The following BRINP3 variants were observed in gnomAD, a reference collection of about 807,000 sequenced individuals.
BRINP3 encodes BMP/retinoic acid-inducible neural-specific protein 3.
In BRINP3, 19 loss-of-function variants were observed where a neutral mutation model predicts 71.0. That is an observed-to-expected ratio of 0.27 (90% confidence interval 0.19 to 0.39). The LOEUF (loss-of-function observed/expected upper bound fraction) is 0.39, where lower values mean the gene tolerates loss of function less well. BRINP3 is among the 10% of genes least tolerant of loss of function. The pLI is 1.00. For missense variants in BRINP3, 959 were observed against 940.8 expected (o/e 1.02, Z -0.25); for synonymous variants, 380 against 337.7 (o/e 1.13, Z -1.37).
At chr1:190,397,406 T>G (rs2102338083) in intron 2 of BRINP3, among the ~76,000 whole-genome samples, 1 of 152,034 alleles carries the variant, frequency 6.6e-6, no homozygotes, top group Middle Eastern at 3.4e-3. Context: ...GTCTCTGCAT[T>G]TCTAGCTCTC....
rs59039466 is a variant in BRINP3 at position 190,177,139 on chromosome 1, A to G, written c.962-16249T>C. Among the ~76,000 whole-genome samples, 81 of 146,558 alleles carry G rather than the reference A, an allele frequency of 5.5e-4. 1 individual carries two copies. The East Asian group carries it at 0.014, about 26-fold the overall frequency. On this transcript the variant is annotated intron_variant, in intron 6 of 7. Transcript: ENST00000367462. ...GTTTTGTTTGTTGGTTTGTCATGGAAGCACCCACTTCTTTTTTTTTTTTTT... is the reference window on the plus strand; with the variant it reads ...GTTTTGTTTGTTGGTTTGTCATGGAGGCACCCACTTCTTTTTTTTTTTTTT...
At chr1:190,283,422 T>A (rs1467962339) in intron 2 of BRINP3, among the ~76,000 whole-genome samples, 12 of 151,908 alleles carry the variant, frequency 7.9e-5, no homozygotes, top group Admixed American at 7.2e-4. Context: ...TAATTTGCTA[T>A]ATTGTCTTTC....
chr1:190,131,080 G>A (rs1044837028), intron 7 of BRINP3, among the ~76,000 whole-genome samples: 2 of 149,288 alleles, frequency 1.3e-5, no homozygotes, highest in African/African-American at 2.5e-5. Flanking sequence ...TGCCCTAACT[G>A]ATTCAGATAG....
chr1:190,262,090 A>C (rs1220568127), intron 4 of BRINP3, among the ~76,000 whole-genome samples: 1 of 152,196 alleles, frequency 6.6e-6, no homozygotes, highest in East Asian at 1.9e-4. Flanking sequence ...GATACTCTCC[A>C]TACAAAATTG....
intron 2 of BRINP3, 58 bp from the exon 3 acceptor site, chr1:190,281,808 T>G (rs748652208): frequency 4.1e-5 from 62 of 1,504,820 alleles, no homozygotes; most frequent in Non-Finnish European, 5.2e-5. Flanking sequence ...TGTTTTCATT[T>G]GAGTTCACTT....
In BRINP3 at chr1:190,226,090, T is replaced by C; in HGVS notation, c.953A>G (p.Glu318Gly). 2 of 1,583,598 alleles carry C rather than the reference T, an allele frequency of 1.3e-6. No homozygotes were observed. The highest frequency in any genetic ancestry group is 1.1e-5 in the South Asian group (1 of 87,670). Residue 318 changes from glutamate (E) to glycine (G), a missense_variant, in exon 6 of 8, where the codon GAG (glutamate) becomes GGG (glycine). Coordinates refer to ENST00000367462, the MANE Select transcript of BRINP3 (RefSeq NM_199051.3). Reference protein sequence around the residue: ...ETWKAYNSDFEESDEFKLFMK... With the variant: ...ETWKAYNSDFGESDEFKLFMK... ...TAAAATACATGTCTTACCTGATTCCTCAAAGTCACTGTTGTAAGCTTTCCA... is the reference window on the plus strand; with the variant it reads ...TAAAATACATGTCTTACCTGATTCCCCAAAGTCACTGTTGTAAGCTTTCCA...
intron 2 of BRINP3, among the ~76,000 whole-genome samples, chr1:190,453,548 A>T (rs1345982165): frequency 2.6e-5 from 4 of 151,916 alleles, no homozygotes; most frequent in African/African-American, 9.7e-5. Context: ...AAATAGAGTA[A>T]ATCTTTTCAT....
intron 6 of BRINP3, among the ~76,000 whole-genome samples, chr1:190,222,050 C>T (rs1303482311): frequency 1.3e-5 from 2 of 151,946 alleles, no homozygotes; most frequent in Non-Finnish European, 2.9e-5. Flanking sequence ...AGTTAAACTA[C>T]GCACTAGATC....
intron 2 of BRINP3, among the ~76,000 whole-genome samples, chr1:190,364,855 G>T (rs549794907): frequency 1.5e-3 from 230 of 152,200 alleles, no homozygotes; most frequent in African/African-American, 5.3e-3. Flanking sequence ...TAATTTGAAG[G>T]AGAGAATGGA....
chr1:190,421,348 G>A (rs1193466864), intron 2 of BRINP3, among the ~76,000 whole-genome samples: 1 of 148,806 alleles, frequency 6.7e-6, no homozygotes, highest in African/African-American at 2.5e-5. Context: ...GTAGCATAAA[G>A]GGCAACTAGG....
Position 190,361,910 on chromosome 1 carries a change from T to C in BRINP3, c.237-80160A>G, listed in dbSNP as rs1669174545. On this transcript the variant is annotated intron_variant, in intron 2 of 7. Coordinates refer to ENST00000367462, the MANE Select transcript of BRINP3 (RefSeq NM_199051.3). ...AATTCGTATGTTGAAGGTGTAACCT[T>C]CAATGTGTCTGTATTTGGAGATAAG... Among the ~76,000 whole-genome samples, 3 of 152,252 alleles carry C rather than the reference T, an allele frequency of 2.0e-5. No individual in the cohort carries two copies. In the East Asian group the frequency reaches 5.8e-4, roughly 29 times the overall value.
intron 2 of BRINP3, among the ~76,000 whole-genome samples, chr1:190,356,341 T>C (rs1200656180): frequency 6.6e-6 from 1 of 151,986 alleles, no homozygotes; most frequent in Non-Finnish European, 1.5e-5. Context: ...GTGTCATTTT[T>C]TTCCTATGAC....
In BRINP3 at chr1:190,196,635, T is replaced by C. The variant is rs913612490; in HGVS notation, c.961+29447A>G. Among the ~76,000 whole-genome samples the C allele has an allele frequency of 3.3e-5, 5 of 152,198 alleles. No homozygotes were observed. The East Asian group carries it at 9.7e-4, about 30-fold the overall frequency. ...TCATTATTGCTGCCTGTTTCCACAG[T>C]GGTTGGCCACATTAACTGATAGGTT... On this transcript the variant is annotated intron_variant, in intron 6 of 7. Transcript: ENST00000367462.
chr1:190,201,084 C>T (rs568071667), intron 6 of BRINP3, among the ~76,000 whole-genome samples: 37 of 152,048 alleles, frequency 2.4e-4, no homozygotes, highest in African/African-American at 5.3e-4. Flanking sequence ...CAGAAAAAGA[C>T]AGAAAAAATG....
intron 6 of BRINP3, among the ~76,000 whole-genome samples, chr1:190,192,894 T>C (rs993510027): frequency 6.6e-6 from 1 of 152,118 alleles, no homozygotes; most frequent in East Asian, 1.9e-4. Flanking sequence ...GGTAATAATG[T>C]ATTGTTTAAT....
At chr1:190,283,932 G>A (rs529288529) in intron 2 of BRINP3, among the ~76,000 whole-genome samples, 53 of 151,788 alleles carry the variant, frequency 3.5e-4, no homozygotes, top group Admixed American at 5.3e-4. Flanking sequence ...GTATTTTTCA[G>A]TGGTTTACAG....
intron 6 of BRINP3, among the ~76,000 whole-genome samples, chr1:190,187,492 C>T (rs1434243588): frequency 6.6e-6 from 1 of 151,980 alleles, no homozygotes; most frequent in Non-Finnish European, 1.5e-5. Context: ...GTGTTTTCTC[C>T]TATTAGTTTC....
intron 6 of BRINP3, among the ~76,000 whole-genome samples, chr1:190,191,164 T>A (rs1394356884): frequency 6.6e-6 from 1 of 152,126 alleles, no homozygotes; most frequent in African/African-American, 2.4e-5. Flanking sequence ...TAGTTTTCTA[T>A]AACAATGATT....
intron 6 of BRINP3, among the ~76,000 whole-genome samples, chr1:190,207,253 A>G (rs941041769): frequency 6.6e-6 from 1 of 152,094 alleles, no homozygotes; most frequent in East Asian, 1.9e-4. Flanking sequence ...TCATGCTTCA[A>G]TAGTGTTTGG....
Sources: gnomAD v4.1 joint callset for allele counts (sites outside exome capture counted in the v4.1 genomes callset) on GRCh38, gnomAD v4.1.1 for gene constraint, MANE v1.5 for transcripts, NCBI Gene and HGNC (gene_info 2026-07-23, HGNC 2026-07-21) for gene names.